Variants in LCTL observed in about 807,000 individuals in gnomAD.
LCTL encodes lactase-like protein.
LCTL carries 76 observed loss-of-function variants against 75.8 expected under a neutral mutation model. The observed-to-expected ratio is 1.00, with a 90% CI of 0.83 to 1.21. LCTL has a LOEUF of 1.21. Among genes scored for constraint, LCTL ranks in the 50% most tolerant of loss-of-function variants. LCTL has a pLI of 0.00. For missense variants in LCTL, 670 were observed against 712.4 expected, an observed-to-expected ratio of 0.94 and a Z score of 0.68; for synonymous variants, 271 against 268.8, an observed-to-expected ratio of 1.01 and a Z score of -0.08.
intron 8 of LCTL, among the ~76,000 whole-genome samples, chr15:66,556,821 T>C (rs1895751530): frequency 6.6e-6 from 1 of 152,092 alleles, no homozygotes; most frequent in Non-Finnish European, 1.5e-5. Context: ...AGATGAAGCG[T>C]TCTGGAGATG....
intron 8 of LCTL, among the ~76,000 whole-genome samples, chr15:66,556,792 G>C (rs1392748096): frequency 6.6e-6 from 1 of 152,146 alleles, no homozygotes; most frequent in Non-Finnish European, 1.5e-5. Context: ...CAGGGACTCG[G>C]CAAAGTTTCA....
chr15:66,556,718 T>C (rs1895747507), intron 8 of LCTL, among the ~76,000 whole-genome samples: 1 of 152,144 alleles, frequency 6.6e-6, no homozygotes, highest in Non-Finnish European at 1.5e-5. Flanking sequence ...CAAAGACAAA[T>C]ACTGTATGAT....
Position 66,564,018 on chromosome 15 carries a change from G to C in LCTL, c.283-20C>G. The C allele has an allele frequency of 6.4e-7, 1 of 1,567,824 alleles. No homozygotes were observed. On this transcript the variant is annotated intron_variant, in intron 2 of 12. Transcript: ENST00000341509. ...GTCCTCCTGTGCAGACAGGGGTGGG[G>C]AGACAGGTCACCTGGGCCCTGGGTA...
exon 8 of LCTL, chr15:66,557,726 G>A (rs1267098461): frequency 1.2e-6 from 2 of 1,613,936 alleles, no homozygotes; most frequent in Admixed American, 3.3e-5. Flanking sequence ...GCTCACCAAT[G>A]TAGTCCTTCA....
intron 6 of LCTL, among the ~76,000 whole-genome samples, chr15:66,558,688 T>TG (rs530339334): frequency 0.074 from 2,005 of 27,032 alleles, 14 homozygotes; most frequent in South Asian, 0.16. Flanking sequence ...TGTGTGTGTG[T>TG]TTTTTTTTTT....
chr15:66,559,807 C>T lies in LCTL; in HGVS notation c.705+1199G>A, dbSNP rs186924076. ...GTTTAATATTAAAAATATCTTGAGG[C>T]GGGGCGCTATGGCGCATGCCTACAA... On this transcript the variant is annotated intron_variant, in intron 6 of 12. Coordinates refer to ENST00000341509, the Ensembl canonical transcript of LCTL. Among the ~76,000 whole-genome samples the T allele has an allele frequency of 3.3e-5, 5 of 152,246 alleles. No individual in the cohort carries two copies. The East Asian group carries it at 7.7e-4, about 24-fold the overall frequency.
At chr15:66,550,397 A>G (rs1895553238) in intron 11 of LCTL, among the ~76,000 whole-genome samples, 1 of 152,240 alleles carries the variant, frequency 6.6e-6, no homozygotes, top group African/African-American at 2.4e-5. Flanking sequence ...GCTTCCATTT[A>G]ATAGTCCTAC....
chr15:66,558,684 TGTG>T (rs1895801021), intron 6 of LCTL, among the ~76,000 whole-genome samples: 1 of 80,866 alleles, frequency 1.2e-5, no homozygotes, highest in Middle Eastern at 6.1e-3. Flanking sequence ...TGTGTGTGTG[TGTG>T]TTTTTTTTTT....
intron 1 of LCTL, 119 bp downstream of exon 2, chr15:66,565,129 A>G: frequency 1.3e-6 from 1 of 771,564 alleles, no homozygotes; most frequent in Non-Finnish European, 2.3e-6. Context: ...CAACCACACA[A>G]AGGTAGGTTT....
intron 9 of LCTL, 151 bp downstream of exon 10, chr15:66,552,833 G>T: frequency 1.7e-6 from 1 of 588,796 alleles, no homozygotes; most frequent in Non-Finnish European, 2.7e-6. Flanking sequence ...GTAGACGTGA[G>T]TCTGTAAGGC....
intron 9 of LCTL, 66 bp from the exon 11 acceptor site, chr15:66,552,235 A>C (rs576065855): frequency 3.8e-6 from 5 of 1,332,988 alleles, no homozygotes; most frequent in Admixed American, 2.1e-5. Context: ...TCTGAGTCAG[A>C]GGCTCATATA....
At position 66,561,382 on chromosome 15, in the gene LCTL, T is replaced by C. The variant is rs1273440000; in HGVS notation, c.481-67A>G. ...AAGCGGTTTAAATGTGGAGATAAGC[T>C]GTGTGACAGTCCTCAGACAAACAGG... On this transcript the variant is annotated intron_variant, in intron 4 of 12. Transcript: ENST00000341509. 6 of 1,579,954 alleles carry C rather than the reference T, an allele frequency of 3.8e-6. No homozygotes were observed. The African/African-American group carries it at 8.1e-5, about 21-fold the overall frequency.
At chr15:66,565,547 C>A (rs1017821548), upstream of LCTL, 2 of 563,124 alleles carry the variant, frequency 3.6e-6, no homozygotes, top group African/African-American at 3.9e-5. Context: ...TGTTTCCGTG[C>A]CTGGGGAGCT....
upstream of LCTL, among the ~76,000 whole-genome samples, chr15:66,565,671 G>T (rs950451522): frequency 6.6e-6 from 1 of 152,124 alleles, no homozygotes; most frequent in Admixed American, 6.5e-5. Flanking sequence ...GGGAAACCAC[G>T]TCTACCTCAG....
chr15:66,553,893 C>T (rs1346792036), intron 8 of LCTL, among the ~76,000 whole-genome samples: 3 of 152,102 alleles, frequency 2.0e-5, no homozygotes, highest in Non-Finnish European at 4.4e-5. Context: ...CAATGGCTCA[C>T]GCCTGTAATT....
chr15:66,552,234 G>A, intron 9 of LCTL, 65 bp from the exon 11 acceptor site: 1 of 1,405,668 alleles, frequency 7.1e-7, no homozygotes, highest in South Asian at 1.3e-5. Context: ...TTCTGAGTCA[G>A]AGGCTCATAT....
chr15:66,558,060 C>A, intron 6 of LCTL, 24 bp from the exon 8 acceptor site: 1 of 1,588,244 alleles, frequency 6.3e-7, no homozygotes, highest in Non-Finnish European at 8.6e-7. Context: ...AGAAATTCAT[C>A]GTAGGTACCT....
intron 4 of LCTL, 37 bp from the exon 6 acceptor site, chr15:66,561,352 C>A: frequency 6.2e-7 from 1 of 1,613,324 alleles, no homozygotes. Context: ...CATGAATGAA[C>A]CGCAAAGCGG....
At chr15:66,557,233 G>C (rs546523734) in intron 8 of LCTL, among the ~76,000 whole-genome samples, 1 of 152,148 alleles carries the variant, frequency 6.6e-6, no homozygotes, top group African/African-American at 2.4e-5. Flanking sequence ...TTTTTAGGTA[G>C]AATTTTCTGT....
Sources: allele counts gnomAD v4.1 joint callset (sites outside exome capture counted in the v4.1 genomes callset), GRCh38; gene constraint gnomAD v4.1.1; transcripts MANE v1.5; gene names NCBI Gene and HGNC (gene_info 2026-07-23, HGNC 2026-07-21).